Variants in MRPS28 observed in about 807,000 individuals in gnomAD.
MRPS28 encodes mitochondrial ribosomal protein S28, also known as small ribosomal subunit protein bS1m.
Under a neutral mutation model 10.8 loss-of-function variants are expected in MRPS28, and 7 were observed. The observed-to-expected ratio is 0.65, with a 90% CI of 0.37 to 1.22. The LOEUF (loss-of-function observed/expected upper bound fraction) is 1.22. MRPS28 is among the 50% of genes most tolerant of loss of function. The pLI is 0.02. For missense variants in MRPS28, 265 were observed against 232.9 expected, an observed-to-expected ratio of 1.14 and a Z score of -0.90; for synonymous variants, 121 against 93.3, an observed-to-expected ratio of 1.30 and a Z score of -1.71.
At chr8:79,919,941 T>TTCCCCCC (rs1810034640) in intron 2 of MRPS28, among the ~76,000 whole-genome samples, 1 of 89,420 alleles carries the variant, frequency 1.1e-5, no homozygotes, top group African/African-American at 4.2e-5. Flanking sequence ...ATGCTATCCC[T>TTCCCCCC]CCCCCCACCC....
intron 2 of MRPS28, among the ~76,000 whole-genome samples, chr8:79,947,884 G>C (rs977849936): frequency 4.0e-5 from 6 of 151,350 alleles, no homozygotes; most frequent in Non-Finnish European, 7.4e-5. Context: ...TGATCCGCCT[G>C]CCTCGGCCTC....
At chr8:79,972,251 G>T (rs114534314) in intron 2 of MRPS28, among the ~76,000 whole-genome samples, 162 of 152,298 alleles carry the variant, frequency 1.1e-3, no homozygotes, top group African/African-American at 3.9e-3. Flanking sequence ...GAGAATGTGT[G>T]TAAGTATACC....
chr8:79,990,000 A>T (rs1230641197), intron 2 of MRPS28, among the ~76,000 whole-genome samples: 1 of 152,100 alleles, frequency 6.6e-6, no homozygotes, highest in Non-Finnish European at 1.5e-5. Flanking sequence ...CCAAAAACAC[A>T]CACAGACAAC....
In MRPS28 at chr8:79,932,726, T is replaced by C. The variant is rs527746312; in HGVS notation, c.396-13578A>G. On this transcript the variant is annotated intron_variant, in intron 2 of 2. Transcript: ENST00000276585. ...GAGGGTGAAGTGCTAATCAGGAAAC[T>C]TATCTGTGGACAAAGGCACTGCAGC... 2.6e-5 allele frequency among the ~76,000 whole-genome samples: 4 copies of C among 152,272 alleles called. No individual in the cohort carries two copies. In the East Asian group the frequency reaches 7.7e-4, roughly 29 times the overall value.
chr8:80,029,902 C>T (rs930653115), intron 1 of MRPS28, 134 bp downstream of exon 1: 243 of 1,535,952 alleles, frequency 1.6e-4, no homozygotes, highest in Non-Finnish European at 2.0e-4. Context: ...AGCCACAACG[C>T]ACCGCAACTC....
intron 2 of MRPS28, among the ~76,000 whole-genome samples, chr8:79,971,861 T>A (rs1381450758): frequency 6.6e-6 from 1 of 151,962 alleles, no homozygotes; most frequent in Non-Finnish European, 1.5e-5. Context: ...CGCCACCACG[T>A]CTGGCTAATT....
rs1809994767 is a variant in MRPS28 at position 79,918,833 on chromosome 8, C to T, written c.*147G>A. On this transcript the variant is annotated 3_prime_UTR_variant, in exon 3 of 3. Coordinates refer to ENST00000276585, the MANE Select transcript of MRPS28 (RefSeq NM_014018.3). ...CAAGGGGTGGGGGGTGGGAATATTG[C>T]TAAAGAAAATTCTAATAAGAGTTAT... 1.4e-5 allele frequency: 7 copies of T among 503,940 alleles called. No homozygotes were observed. The highest frequency in any genetic ancestry group is 1.0e-4 in the South Asian group (2 of 19,836). 31.2% of individuals were successfully genotyped at this position (503,940 alleles called of 1,614,324 possible).
At chr8:79,976,527 A>C (rs1807805166) in intron 2 of MRPS28, among the ~76,000 whole-genome samples, 2 of 152,236 alleles carry the variant, frequency 1.3e-5, no homozygotes, top group South Asian at 4.2e-4. Flanking sequence ...CAACATGGCG[A>C]AACCCTAGCT....
At chr8:80,004,274 C>G (rs1808759060) in intron 1 of MRPS28, among the ~76,000 whole-genome samples, 1 of 152,184 alleles carries the variant, frequency 6.6e-6, no homozygotes, top group South Asian at 2.1e-4. Context: ...GCCGGGTACC[C>G]CTCTGAGACG....
intron 2 of MRPS28, among the ~76,000 whole-genome samples, chr8:79,971,256 A>T (rs1308298326): frequency 6.6e-6 from 1 of 152,220 alleles, no homozygotes; most frequent in East Asian, 1.9e-4. Context: ...GACTTGCTCA[A>T]GTTCACCAAA....
At chr8:80,003,872 C>A (rs376547770) in intron 1 of MRPS28, among the ~76,000 whole-genome samples, 1 of 152,210 alleles carries the variant, frequency 6.6e-6, no homozygotes, top group Non-Finnish European at 1.5e-5. Context: ...CCCATGCCCA[C>A]GGAGCCTCGC....
intron 1 of MRPS28, among the ~76,000 whole-genome samples, chr8:80,004,321 T>C (rs1374167813): frequency 6.6e-6 from 1 of 152,224 alleles, no homozygotes; most frequent in Admixed American, 6.5e-5. Flanking sequence ...CAACATTTGC[T>C]GTTCATCAGT....
chr8:80,005,705 T>A (rs1041384072), intron 1 of MRPS28, among the ~76,000 whole-genome samples: 2 of 151,838 alleles, frequency 1.3e-5, no homozygotes, highest in Non-Finnish European at 2.9e-5. Context: ...GGATAAAGAG[T>A]CAAGACCCAT....
intron 2 of MRPS28, among the ~76,000 whole-genome samples, chr8:79,972,077 C>CACATCTGCAATTTCT (rs1435537340): frequency 2.0e-5 from 3 of 152,102 alleles, no homozygotes; most frequent in South Asian, 2.1e-4. Flanking sequence ...AGGCAAGTTC[C>CACATCTGCAATTTCT]ACATCTGCAA....
intron 2 of MRPS28, among the ~76,000 whole-genome samples, chr8:79,987,018 T>G (rs966056972): frequency 1.1e-4 from 17 of 152,054 alleles, no homozygotes; most frequent in Non-Finnish European, 1.9e-4. Context: ...CTACCTGACT[T>G]CAAACTATAC....
chr8:80,009,406 C>T (rs891906208), intron 1 of MRPS28, among the ~76,000 whole-genome samples: 12 of 151,384 alleles, frequency 7.9e-5, no homozygotes, highest in African/African-American at 2.9e-4. Flanking sequence ...GCACATGTAC[C>T]CTAGAATCTA....
chr8:80,005,824 C>G (rs993405055), intron 1 of MRPS28, among the ~76,000 whole-genome samples: 71 of 152,082 alleles, frequency 4.7e-4, no homozygotes, highest in African/African-American at 1.4e-3. Flanking sequence ...AAAAAGGCAG[C>G]GGTTGCAATC....
At chr8:79,965,586 GA>G (rs1232935279) in intron 2 of MRPS28, among the ~76,000 whole-genome samples, 2 of 151,992 alleles carry the variant, frequency 1.3e-5, no homozygotes, top group African/African-American at 4.8e-5. Context: ...GGTTTAGTAG[GA>G]GTCAAAAAGT....
chr8:79,977,574 T>A (rs1156348473), intron 2 of MRPS28, among the ~76,000 whole-genome samples: 1 of 152,172 alleles, frequency 6.6e-6, no homozygotes, highest in Non-Finnish European at 1.5e-5. Flanking sequence ...CCCAGCACTT[T>A]GGGAGGCCAA....
Sources: gnomAD v4.1 joint callset for allele counts (sites outside exome capture counted in the v4.1 genomes callset) on GRCh38, gnomAD v4.1.1 for gene constraint, MANE v1.5 for transcripts, NCBI Gene and HGNC (gene_info 2026-07-23, HGNC 2026-07-21) for gene names.